Variants in PSD3 observed in about 807,000 individuals in gnomAD.
PSD3 encodes pleckstrin and Sec7 domain containing 3, also known as PH and SEC7 domain-containing protein 3.
Under a neutral mutation model 105.5 loss-of-function variants are expected in PSD3, and 49 were observed. That is an observed-to-expected ratio of 0.46 (90% CI 0.37 to 0.59). PSD3 has a LOEUF of 0.59. PSD3 is among the 20% of genes least tolerant of loss of function. The pLI is 0.00. For missense variants in PSD3, 1,561 were observed against 1,263.8 expected, an observed-to-expected ratio of 1.24 and a Z score of -3.57; for synonymous variants, 557 against 457.8, an observed-to-expected ratio of 1.22 and a Z score of -2.77.
At chr8:18,565,714 C>G (rs1801697088) in intron 14 of PSD3, among the ~76,000 whole-genome samples, 1 of 152,114 alleles carries the variant, frequency 6.6e-6, no homozygotes, top group Non-Finnish European at 1.5e-5. Context: ...TTAGGGGAGT[C>G]AGAGCCAGGT....
intron 12 of PSD3, among the ~76,000 whole-genome samples, chr8:18,583,788 G>A (rs1016699969): frequency 3.3e-5 from 5 of 151,978 alleles, no homozygotes; most frequent in East Asian, 3.9e-4. Context: ...GCACTGAATT[G>A]GCCTTTTGTT....
At chr8:18,961,073 C>G (rs1235693426) in intron 1 of PSD3, among the ~76,000 whole-genome samples, 1 of 152,046 alleles carries the variant, frequency 6.6e-6, no homozygotes, top group East Asian at 1.9e-4. Context: ...GCCTGGGTGA[C>G]AGAGTGAGAC....
At chr8:18,637,405 T>C (rs909353277) in intron 10 of PSD3, among the ~76,000 whole-genome samples, 34 of 152,202 alleles carry the variant, frequency 2.2e-4, no homozygotes, top group African/African-American at 7.0e-4. Flanking sequence ...TAGAGTCATG[T>C]ACCCACTACA....
intron 1 of PSD3, among the ~76,000 whole-genome samples, chr8:19,005,594 C>T (rs1239607020): frequency 6.6e-6 from 1 of 152,104 alleles, no homozygotes. Flanking sequence ...AAGCAATCCT[C>T]CTGCCTCAGC....
intron 15 of PSD3, among the ~76,000 whole-genome samples, chr8:18,553,562 T>A (rs1027553928): frequency 6.6e-6 from 1 of 152,172 alleles, no homozygotes; most frequent in Non-Finnish European, 1.5e-5. Flanking sequence ...GGTCAATAAC[T>A]CTTATATCTG....
intron 15 of PSD3, among the ~76,000 whole-genome samples, chr8:18,550,548 A>G (rs59425734): frequency 0.075 from 11,364 of 152,212 alleles, 973 homozygotes; most frequent in African/African-American, 0.2. Context: ...TATTTACACC[A>G]CCTAACCTAC....
intron 15 of PSD3, among the ~76,000 whole-genome samples, chr8:18,537,965 C>T (rs544149830): frequency 6.6e-6 from 1 of 152,368 alleles, no homozygotes; most frequent in African/African-American, 2.4e-5. Context: ...GCGTGAGCCA[C>T]TGCACGTGGC....
intron 9 of PSD3, among the ~76,000 whole-genome samples, chr8:18,749,960 G>A (rs995145200): frequency 5.9e-5 from 9 of 152,138 alleles, no homozygotes; most frequent in African/African-American, 2.2e-4. Context: ...ACACAGTCCT[G>A]CCTAAATCTT....
At chr8:18,539,550 T>C (rs890706794) in intron 15 of PSD3, among the ~76,000 whole-genome samples, 1 of 148,796 alleles carries the variant, frequency 6.7e-6, no homozygotes, top group Non-Finnish European at 1.5e-5. Flanking sequence ...TAAATTACTT[T>C]TTTTTTTTTT....
At chr8:18,543,954 G>A (rs547255865) in intron 15 of PSD3, among the ~76,000 whole-genome samples, 3 of 152,044 alleles carry the variant, frequency 2.0e-5, no homozygotes, top group East Asian at 3.9e-4. Flanking sequence ...TGAAAATACA[G>A]CTGGGCTGCA....
At chr8:18,624,044 T>C (rs906428784) in intron 11 of PSD3, among the ~76,000 whole-genome samples, 1 of 152,186 alleles carries the variant, frequency 6.6e-6, no homozygotes, top group Non-Finnish European at 1.5e-5. Context: ...TTAATGGACA[T>C]TTAAGTTTTT....
intron 1 of PSD3, among the ~76,000 whole-genome samples, chr8:19,070,001 G>C (rs1258634016): frequency 1.3e-5 from 2 of 150,068 alleles, no homozygotes; most frequent in Non-Finnish European, 2.9e-5. Context: ...CTGGCGTGCA[G>C]TGGCATGATC....
intron 11 of PSD3, among the ~76,000 whole-genome samples, chr8:18,620,342 G>GTTTTTTTTTTT (rs57785765): frequency 4.9e-5 from 6 of 121,722 alleles, no homozygotes; most frequent in African/African-American, 9.3e-5. Flanking sequence ...TTGGGTTTGT[G>GTTTTTTTTTTT]TTTTTTTTTT....
At chr8:18,914,131 G>C (rs1447899287) in intron 2 of PSD3, among the ~76,000 whole-genome samples, 1 of 149,916 alleles carries the variant, frequency 6.7e-6, no homozygotes, top group Non-Finnish European at 1.5e-5. Flanking sequence ...CCAGATGGGG[G>C]ATTATAAGAT....
At chr8:18,944,934 G>T in intron 1 of PSD3, among the ~76,000 whole-genome samples, 1 of 152,066 alleles carries the variant, frequency 6.6e-6, no homozygotes, top group Non-Finnish European at 1.5e-5. Context: ...GCCCTAGAAT[G>T]AGCCATTTTA....
intron 2 of PSD3, among the ~76,000 whole-genome samples, chr8:18,875,523 C>T (rs1817672906): frequency 6.6e-6 from 1 of 152,042 alleles, no homozygotes; most frequent in East Asian, 1.9e-4. Flanking sequence ...CAACTATCAC[C>T]ACTATCTAAT....
At chr8:18,677,303 C>T (rs1028704000) in intron 9 of PSD3, among the ~76,000 whole-genome samples, 13 of 152,100 alleles carry the variant, frequency 8.5e-5, no homozygotes, top group East Asian at 5.8e-4. Context: ...ACCAGGTCAG[C>T]GCAGTGGCTC....
At chr8:19,005,348 T>A (rs552243745) in intron 1 of PSD3, among the ~76,000 whole-genome samples, 1 of 152,088 alleles carries the variant, frequency 6.6e-6, no homozygotes, top group African/African-American at 2.4e-5. Flanking sequence ...AAGGCCACAT[T>A]TTGTATTGTT....
intron 11 of PSD3, 120 bp from the exon 12 acceptor site, chr8:18,600,554 A>G (rs755641712): frequency 4.9e-6 from 4 of 823,250 alleles, no homozygotes; most frequent in Non-Finnish European, 7.6e-6. Flanking sequence ...AGTAATAACA[A>G]TAAGAACTAA....
Sources: allele counts gnomAD v4.1 joint callset (sites outside exome capture counted in the v4.1 genomes callset), GRCh38; gene constraint gnomAD v4.1.1; transcripts MANE v1.5; gene names NCBI Gene and HGNC (gene_info 2026-07-23, HGNC 2026-07-21).